Variants in AKR1B15 observed in about 807,000 individuals in gnomAD.
AKR1B15 encodes aldo-keto reductase family 1 member B15.
AKR1B15 carries 49 observed loss-of-function variants against 38.5 expected under a neutral mutation model. That is an observed-to-expected ratio of 1.27 (90% confidence interval 1.01 to 1.62). The LOEUF is 1.62. Among genes scored for constraint, AKR1B15 ranks in the 40% most tolerant of loss-of-function variants. AKR1B15 has a pLI of 0.00. For missense variants in AKR1B15, 411 were observed against 381.6 expected (o/e 1.08, Z -0.64); for synonymous variants, 137 against 135.5 (o/e 1.01, Z -0.08).
At chr7:134,565,279 A>C in intron 3 of AKR1B15, 3 of 816,528 alleles carry the variant, frequency 3.7e-6, no homozygotes, top group Non-Finnish European at 3.7e-6. Flanking sequence ...CCACAAACCC[A>C]CCAGAAGGGA....
At chr7:134,563,556 A>G (rs771207354) in intron 2 of AKR1B15, among the ~76,000 whole-genome samples, 1 of 152,196 alleles carries the variant, frequency 6.6e-6, no homozygotes, top group Non-Finnish European at 1.5e-5. Flanking sequence ...TCAAAAACAA[A>G]CAAACAAAAA....
At chr7:134,558,805 C>T (rs922978822) in intron 2 of AKR1B15, among the ~76,000 whole-genome samples, 2 of 152,182 alleles carry the variant, frequency 1.3e-5, no homozygotes, top group African/African-American at 4.8e-5. Flanking sequence ...CTAGGCTCTA[C>T]CTTCTTTTCC....
intron 2 of AKR1B15, among the ~76,000 whole-genome samples, chr7:134,560,523 A>C (rs1198733798): frequency 1.3e-5 from 2 of 152,220 alleles, no homozygotes; most frequent in Middle Eastern, 3.2e-3. Flanking sequence ...AACAGCTAAT[A>C]GATATACCTT....
rs1794617432 is a variant in AKR1B15 at position 134,569,415 on chromosome 7, G to A, written c.321G>A (p.Val107=). The change falls in exon 5 of 12, where the codon GTG becomes GTA. Residue 107 remains valine, a splice_region_variant and synonymous_variant. Coordinates refer to ENST00000457545, the MANE Select transcript of AKR1B15 (RefSeq NM_001080538.3). ...MREDLFIVSK[V]WPTFFERPLV... is the part of the protein sequence containing the mutation. The stretch of plus-strand genomic sequence containing the variant: ...GCTCATTGCTACACTCTTTGCAGGT[G>A]TGGCCCACTTTCTTTGAGAGACCCC... 1.9e-6 allele frequency: 3 copies of A among 1,614,040 alleles called. No individual in the cohort carries two copies. The South Asian group carries it at 3.3e-5, about 18-fold the overall frequency.
chr7:134,575,798 A>T, intron 7 of AKR1B15, 23 bp from the exon 8 acceptor site: 1 of 1,613,236 alleles, frequency 6.2e-7, no homozygotes. Context: ...TTTCCCCGTG[A>T]TGAGGATTGT....
intron 11 of AKR1B15, among the ~76,000 whole-genome samples, chr7:134,578,925 G>C (rs1794820803): frequency 6.6e-6 from 1 of 152,150 alleles, no homozygotes; most frequent in South Asian, 2.1e-4. Context: ...CATCATTTCT[G>C]GTGTAGGCAA....
chr7:134,572,226 T>A (rs1470360460), intron 6 of AKR1B15, among the ~76,000 whole-genome samples: 1 of 152,158 alleles, frequency 6.6e-6, no homozygotes, highest in Non-Finnish European at 1.5e-5. Flanking sequence ...CTAGATTGGT[T>A]GGTGACTTGC....
At chr7:134,575,739 C>A in intron 7 of AKR1B15, 82 bp from the exon 8 acceptor site, 2 of 1,592,416 alleles carry the variant, frequency 1.3e-6, no homozygotes, top group Non-Finnish European at 8.6e-7. Context: ...GCTTGGTGGA[C>A]TTTTTTTGTG....
At chr7:134,577,091 G>C (rs1794782268) in intron 10 of AKR1B15, 45 bp downstream of exon 10, 2 of 1,549,878 alleles carry the variant, frequency 1.3e-6, no homozygotes, top group African/African-American at 1.4e-5. Context: ...AGTGGAGTGG[G>C]GGACAGGCAG....
At chr7:134,558,980 G>C (rs776972230) in intron 2 of AKR1B15, among the ~76,000 whole-genome samples, 6 of 152,080 alleles carry the variant, frequency 3.9e-5, no homozygotes, top group Non-Finnish European at 5.9e-5. Flanking sequence ...CTGCAGTCTG[G>C]ACAACAGAAA....
intron 3 of AKR1B15, 52 bp from the exon 4 acceptor site, chr7:134,568,106 C>T (rs1419699412): frequency 8.4e-5 from 134 of 1,603,298 alleles, no homozygotes; most frequent in South Asian, 2.6e-4. Context: ...GGCAAGGTCT[C>T]ATCTCTTAAA....
At chr7:134,563,843 G>A (rs983423720) in intron 2 of AKR1B15, among the ~76,000 whole-genome samples, 2 of 152,138 alleles carry the variant, frequency 1.3e-5, no homozygotes, top group Non-Finnish European at 2.9e-5. Context: ...CCCAACACCC[G>A]TTTCTAGCCG....
At chr7:134,575,344 C>A in intron 6 of AKR1B15, 76 bp from the exon 7 acceptor site, 1 of 1,553,182 alleles carries the variant, frequency 6.4e-7, no homozygotes, top group Non-Finnish European at 8.7e-7. Flanking sequence ...AATTTCTGCC[C>A]CAGGGAAGAC....
chr7:134,569,338 A>C, intron 4 of AKR1B15, 75 bp from the exon 5 acceptor site: 1 of 1,564,616 alleles, frequency 6.4e-7, no homozygotes, highest in South Asian at 1.1e-5. Flanking sequence ...ATGCAAATCA[A>C]AAAGCAGGGA....
intron 2 of AKR1B15, among the ~76,000 whole-genome samples, chr7:134,563,591 A>T (rs768022414): frequency 6.6e-6 from 1 of 152,162 alleles, no homozygotes. Context: ...AGCCACCTGG[A>T]CTTCCTGGGT....
chr7:134,576,495 C>T (rs1344344635), intron 9 of AKR1B15, 65 bp downstream of exon 9: 30 of 1,570,520 alleles, frequency 1.9e-5, no homozygotes, highest in Admixed American at 5.3e-5. Context: ...TTTCATTTCT[C>T]GTGTTGTCCT....
rs2161804 is a variant in AKR1B15 at position 134,576,463 on chromosome 7, C to A, written c.825+33C>A. 3,586 of 1,606,668 alleles carry A rather than the reference C, an allele frequency of 2.2e-3. 10 individuals carry two copies. The highest frequency in any genetic ancestry group is 2.8e-3 in the Non-Finnish European group (3,261 of 1,174,084). ...ATTTTTATTTTTCTTGTTATCCAAC[C>A]ACTCATGCTTCCAGTCTCATGTTTC... On this transcript the variant is annotated intron_variant, in intron 9 of 11. Coordinates refer to ENST00000457545, the MANE Select transcript of AKR1B15 (RefSeq NM_001080538.3).
At chr7:134,579,208 A>G (rs1794827500) in intron 11 of AKR1B15, among the ~76,000 whole-genome samples, 1 of 152,216 alleles carries the variant, frequency 6.6e-6, no homozygotes, top group South Asian at 2.1e-4. Context: ...CTACCTCATG[A>G]TGTTGTGAGA....
At chr7:134,577,929 G>T (rs1412008972) in intron 11 of AKR1B15, 143 bp downstream of exon 11, 6 of 905,416 alleles carry the variant, frequency 6.6e-6, no homozygotes, top group Non-Finnish European at 1.0e-5. Context: ...TAAAATTTGG[G>T]TACCTGGGAA....
Sources: gnomAD v4.1 joint callset for allele counts (sites outside exome capture counted in the v4.1 genomes callset) on GRCh38, gnomAD v4.1.1 for gene constraint, MANE v1.5 for transcripts, NCBI Gene and HGNC (gene_info 2026-07-23, HGNC 2026-07-21) for gene names.